The following HPCAL1 variants were observed in gnomAD, a reference collection of about 807,000 sequenced individuals.
HPCAL1 encodes hippocalcin-like protein 1.
HPCAL1 carries 8 observed loss-of-function variants against 17.1 expected under a neutral mutation model. The observed-to-expected ratio is 0.47, with a 90% CI of 0.27 to 0.84. The LOEUF is 0.84. Ranked by LOEUF, HPCAL1 falls within the 40% of genes least tolerant of loss-of-function variation. HPCAL1 has a pLI of 0.13. For synonymous variants in HPCAL1, 112 were observed against 111.4 expected (o/e 1.01, Z -0.03); for missense variants, 165 against 271.1 (o/e 0.61, Z 2.75).
In HPCAL1 at chr2:10,359,489, A is replaced by T. The variant is rs138604094; in HGVS notation, c.-110-37346A>T. Among the ~76,000 whole-genome samples, 656 of 152,340 alleles carry T rather than the reference A, an allele frequency of 4.3e-3. 1 individual carries two copies. The highest frequency in any genetic ancestry group is 7.5e-3 in the Non-Finnish European group (508 of 68,032). On this transcript the variant is annotated intron_variant, in intron 1 of 4. Coordinates refer to ENST00000307845, the MANE Select transcript of HPCAL1 (RefSeq NM_002149.4). This position sits in a 1 kb window ranked among gnomAD's most constrained non-coding sequence, Gnocchi z 4.1. ...TCATGGCCTCTGTGACAGCAGCAGG[A>T]TTAGAGGCAGAGTTGGCCCAGAGGG...
intron 1 of HPCAL1, among the ~76,000 whole-genome samples, chr2:10,390,155 G>A (rs1175290956): frequency 3.9e-5 from 6 of 152,176 alleles, no homozygotes; most frequent in Non-Finnish European, 8.8e-5. Flanking sequence ...GACCACTCGC[G>A]GCTCAGGTGT....
chr2:10,304,208 A>C lies in HPCAL1; in HGVS notation c.-111+1031A>C, dbSNP rs1234456609. ...TGCCCCAGCCCCCAGGCTCCCGCGC[A>C]AGCGTGGGGGTCCCTCTCCTGGCCG... On this transcript the variant is annotated intron_variant, in intron 1 of 4. Transcript: ENST00000307845. The surrounding 1 kb of genome is among the most constrained non-coding windows in gnomAD (Gnocchi z 4.1). Among the ~76,000 whole-genome samples the C allele has an allele frequency of 6.6e-6, 1 of 151,590 alleles. No individual in the cohort carries two copies. The highest frequency in any genetic ancestry group is 1.5e-5 in the Non-Finnish European group (1 of 67,850).
chr2:10,358,031 A>ACGGCCCCGTGCTGTATAG (rs2125480190), intron 1 of HPCAL1, among the ~76,000 whole-genome samples: 1 of 152,282 alleles, frequency 6.6e-6, no homozygotes, highest in South Asian at 2.1e-4. Context: ...CGTGTCCACC[A>ACGGCCCCGTGCTGTATAG]CGGCCCCGTG....
rs1042733459 is a variant in HPCAL1, at chr2:10,394,602, G to A, written c.-110-2233G>A. Among the ~76,000 whole-genome samples, 1 of 152,168 alleles carries A rather than the reference G, an allele frequency of 6.6e-6. No homozygotes were observed. The highest frequency in any genetic ancestry group is 1.5e-5 in the Non-Finnish European group (1 of 68,010). ...TGTCAAAGCCCACGGAGTGGCCCAC[G>A]CCAAGAGGGAACCCTAACGTGAGCT... On this transcript the variant is annotated intron_variant, in intron 1 of 4. Coordinates refer to ENST00000307845, the MANE Select transcript of HPCAL1 (RefSeq NM_002149.4). The surrounding 1 kb of genome is among the most constrained non-coding windows in gnomAD (Gnocchi z 5.0).
At chr2:10,418,098 A>G (rs1038793956) in intron 2 of HPCAL1, among the ~76,000 whole-genome samples, 2 of 152,004 alleles carry the variant, frequency 1.3e-5, no homozygotes, top group Non-Finnish European at 2.9e-5. Flanking sequence ...AGGATAAGTA[A>G]AAACAAAAAC....
At chr2:10,308,360 C>T (rs1201193221) in intron 1 of HPCAL1, among the ~76,000 whole-genome samples, 1 of 152,160 alleles carries the variant, frequency 6.6e-6, no homozygotes, top group African/African-American at 2.4e-5. Flanking sequence ...GCCATTACCA[C>T]AATCCAGTTT....
At chr2:10,388,945 G>A (rs973751896) in intron 1 of HPCAL1, among the ~76,000 whole-genome samples, 3 of 152,144 alleles carry the variant, frequency 2.0e-5, no homozygotes, top group Non-Finnish European at 4.4e-5. Context: ...TATAGGAAGA[G>A]GATGCGAGCC....
At position 10,396,855 on chromosome 2, in the gene HPCAL1, G is replaced by A. The variant is rs566828716; in HGVS notation, c.-90G>A. 6.6e-6 allele frequency: 1 copy of A among 152,308 alleles called. No homozygotes were observed. Among genetic ancestry groups the A allele is most frequent in the Non-Finnish European group, 1.5e-5 (1 of 68,094 alleles). The allele number at this position is 152,308 out of a possible 1,614,324, so 9.4% of individuals were successfully genotyped here. A position where few individuals can be genotyped will look rare whatever the true frequency, so the allele number is the denominator to read the frequency against. On this transcript the variant is annotated 5_prime_UTR_variant, in exon 2 of 5. Transcript: ENST00000307845. ...TCCAGGGGCATGGTCTAGTGGCCCA[G>A]TCAGGACGCGGAAACACTCCCTGGA...
At position 10,344,604 on chromosome 2, in the gene HPCAL1, G is replaced by A. The variant is rs1392691771; in HGVS notation, c.-111+41427G>A. Among the ~76,000 whole-genome samples the A allele has an allele frequency of 6.6e-6, 1 of 152,222 alleles. No homozygotes were observed. The highest frequency in any genetic ancestry group is 1.5e-5 in the Non-Finnish European group (1 of 68,040). On this transcript the variant is annotated intron_variant, in intron 1 of 4. Coordinates refer to ENST00000307845, the MANE Select transcript of HPCAL1 (RefSeq NM_002149.4). The surrounding 1 kb of genome is among the most constrained non-coding windows in gnomAD (Gnocchi z 4.9). ...GCAGCCACTATTATACCATCTGGCA[G>A]CTCAGAAATATTTTATAATCAAATG...
rs1004447683 is a variant in HPCAL1 at position 10,310,573 on chromosome 2, A to G, written c.-111+7396A>G. 1.3e-5 allele frequency among the ~76,000 whole-genome samples: 2 copies of G among 152,184 alleles called. No individual in the cohort carries two copies. The highest frequency in any genetic ancestry group is 1.3e-4 in the Admixed American group (2 of 15,276). On this transcript the variant is annotated intron_variant, in intron 1 of 4. Coordinates refer to ENST00000307845, the MANE Select transcript of HPCAL1 (RefSeq NM_002149.4). The surrounding 1 kb of genome is among the most constrained non-coding windows in gnomAD (Gnocchi z 4.5). ...TGTCCTAGCCTCATGCCTTCTGAGA[A>G]GCATCTGTCAGGGTCCCTGATGCAC...
At position 10,377,911 on chromosome 2, in the gene HPCAL1, G is replaced by C. The variant is rs998190029; in HGVS notation, c.-110-18924G>C. Among the ~76,000 whole-genome samples, 2 of 152,174 alleles carry C rather than the reference G, an allele frequency of 1.3e-5. No individual in the cohort carries two copies. Among genetic ancestry groups the C allele is most frequent in the Non-Finnish European group, 2.9e-5 (2 of 68,036 alleles). On this transcript the variant is annotated intron_variant, in intron 1 of 4. Transcript: ENST00000307845. The surrounding 1 kb of genome is among the most constrained non-coding windows in gnomAD (Gnocchi z 5.9). ...GCAGGCACAGGGAGGGCATTTCAGAGAGTGCAAGGAGGCGGCGAAGATGCT... is the reference window on the plus strand; with the variant it reads ...GCAGGCACAGGGAGGGCATTTCAGACAGTGCAAGGAGGCGGCGAAGATGCT...
intron 2 of HPCAL1, among the ~76,000 whole-genome samples, chr2:10,398,389 A>C (rs997971465): frequency 6.6e-6 from 1 of 152,222 alleles, no homozygotes; most frequent in African/African-American, 2.4e-5. Context: ...TCATCTTCCC[A>C]CTCAGAAGGA....
intron 1 of HPCAL1, among the ~76,000 whole-genome samples, chr2:10,329,080 C>T (rs901160250): frequency 3.3e-5 from 5 of 152,270 alleles, no homozygotes; most frequent in Admixed American, 1.3e-4. Flanking sequence ...CCTCCTGCCT[C>T]GGCCTCCCAA....
At chr2:10,356,011 C>G (rs113231486) in intron 1 of HPCAL1, among the ~76,000 whole-genome samples, 1 of 152,144 alleles carries the variant, frequency 6.6e-6, no homozygotes. Context: ...CCCCAGGGAC[C>G]GCACAGAGCA....
intron 1 of HPCAL1, among the ~76,000 whole-genome samples, chr2:10,321,860 C>T (rs2125403705): frequency 6.6e-6 from 1 of 152,296 alleles, no homozygotes; most frequent in African/African-American, 2.4e-5. Context: ...TTTGTTTATC[C>T]ATTCATCTGT....
intron 1 of HPCAL1, among the ~76,000 whole-genome samples, chr2:10,334,910 G>A (rs945651814): frequency 2.6e-5 from 4 of 152,124 alleles, no homozygotes; most frequent in South Asian, 2.1e-4. Context: ...ACTCCTGAGC[G>A]CAAGTGAGCC....
At chr2:10,383,517 C>A (rs1668103057) in intron 1 of HPCAL1, among the ~76,000 whole-genome samples, 1 of 152,068 alleles carries the variant, frequency 6.6e-6, no homozygotes, top group Non-Finnish European at 1.5e-5. Context: ...CACCTGCCAC[C>A]ACACCCAGCT....
intron 2 of HPCAL1, among the ~76,000 whole-genome samples, chr2:10,414,114 C>T (rs1670510007): frequency 6.6e-6 from 1 of 152,228 alleles, no homozygotes; most frequent in South Asian, 2.1e-4. Flanking sequence ...TGTGGTGAAG[C>T]GTGACTAATA....
chr2:10,376,439 A>T (rs910278525), intron 1 of HPCAL1, among the ~76,000 whole-genome samples: 6 of 107,842 alleles, frequency 5.6e-5, no homozygotes, highest in Admixed American at 1.0e-4. Flanking sequence ...TACAAAAAAA[A>T]TCCCTCTTTT....
Sources: gnomAD v4.1 joint callset for allele counts (sites outside exome capture counted in the v4.1 genomes callset) on GRCh38, gnomAD v4.1.1 for gene constraint, Gnocchi (gnomAD v3.1) non-coding constraint, MANE v1.5 for transcripts, NCBI Gene and HGNC (gene_info 2026-07-23, HGNC 2026-07-21) for gene names.